Variants in USO1 observed in about 807,000 individuals in gnomAD.
The protein encoded by USO1 is general vesicular transport factor p115.
Under a neutral mutation model 124.5 loss-of-function variants are expected in USO1, and 57 were observed. The ratio of observed to expected loss-of-function variants is 0.46; its 90% CI spans 0.37 to 0.57. USO1 has a LOEUF of 0.57. USO1 is among the 20% of genes least tolerant of loss of function. The pLI, the probability that USO1 is intolerant of heterozygous loss-of-function variation, is 0.00. For missense variants in USO1, 900 were observed against 1,040.6 expected, an observed-to-expected ratio of 0.86 and a Z score of 1.86; for synonymous variants, 369 against 362.8, an observed-to-expected ratio of 1.02 and a Z score of -0.19.
intron 1 of USO1, among the ~76,000 whole-genome samples, chr4:75,725,868 C>G (rs1231943713): frequency 2.0e-5 from 3 of 152,164 alleles, no homozygotes; most frequent in Non-Finnish European, 4.4e-5. Context: ...TTGTCAGGCT[C>G]TTACCTTGTG....
chr4:75,744,026 A>G (rs1226021478), intron 1 of USO1, among the ~76,000 whole-genome samples: 1 of 152,016 alleles, frequency 6.6e-6, no homozygotes, highest in Non-Finnish European at 1.5e-5. Context: ...TCCGCCCGCC[A>G]TGGCCTCCCA....
intron 1 of USO1, among the ~76,000 whole-genome samples, chr4:75,738,592 G>C (rs554249337): frequency 2.0e-5 from 3 of 151,942 alleles, no homozygotes; most frequent in African/African-American, 7.3e-5. Flanking sequence ...ATCCTCCCAC[G>C]TCAGCCTCCT....
chr4:75,772,724 A>G (rs1721967767), intron 7 of USO1, among the ~76,000 whole-genome samples: 1 of 152,130 alleles, frequency 6.6e-6, no homozygotes, highest in Admixed American at 6.5e-5. Flanking sequence ...CATGCAAATC[A>G]TAAATTATGT....
chr4:75,810,563 T>G, intron 22 of USO1, 24 bp downstream of exon 22: 2 of 1,585,270 alleles, frequency 1.3e-6, no homozygotes, highest in Non-Finnish European at 1.7e-6. Flanking sequence ...GCAACTTTTA[T>G]TTACTGCATA....
chr4:75,728,887 C>T (rs187529241), intron 1 of USO1, among the ~76,000 whole-genome samples: 4 of 151,986 alleles, frequency 2.6e-5, no homozygotes, highest in Non-Finnish European at 4.4e-5. Flanking sequence ...CAAGCTCCCC[C>T]TCCCGGGTTC....
At chr4:75,749,600 T>G (rs962190460) in intron 1 of USO1, among the ~76,000 whole-genome samples, 1 of 151,908 alleles carries the variant, frequency 6.6e-6, no homozygotes, top group Admixed American at 6.6e-5. Flanking sequence ...GGTCTCACTA[T>G]GTTGCCCAGG....
At chr4:75,806,717 G>A (rs925022391) in intron 20 of USO1, 145 bp downstream of exon 20, 16 of 1,114,230 alleles carry the variant, frequency 1.4e-5, no homozygotes, top group Non-Finnish European at 2.0e-5. Context: ...TCCAGAAGCT[G>A]TTTCTATTTA....
Position 75,742,530 on chromosome 4 carries a change from C to T in USO1, c.67-9843C>T, listed in dbSNP as rs1720993877. Among the ~76,000 whole-genome samples, 3 of 152,278 alleles carry T rather than the reference C, an allele frequency of 2.0e-5. No individual in the cohort carries two copies. The South Asian group carries it at 6.2e-4, about 32-fold the overall frequency. ...TTTTCTATTCTGTAATCTTACCTAT[C>T]TTCACTGTATTTACATATGTGTTAT... On this transcript the variant is annotated intron_variant, in intron 1 of 23. Coordinates refer to ENST00000514213, the MANE Select transcript of USO1 (RefSeq NM_003715.4).
chr4:75,800,511 A>C, intron 15 of USO1, 42 bp downstream of exon 15: 1 of 1,474,668 alleles, frequency 6.8e-7, no homozygotes. Flanking sequence ...ATCAAGAGAT[A>C]ATGATGCTTT....
chr4:75,759,599 A>G lies in USO1; in HGVS notation c.295+2026A>G, dbSNP rs191321311. 9.4e-4 allele frequency among the ~76,000 whole-genome samples: 139 copies of G among 147,390 alleles called. 1 individual carries two copies. Among genetic ancestry groups the G allele is most frequent in the African/African-American group, 3.4e-3 (134 of 39,830 alleles). Reference sequence around the variant, plus strand: ...CCAGAGTGAGACTCTGTCTCAAAAAAAAAAAGAAAAGAAAGAAAGTAGACA... The same window carrying G: ...CCAGAGTGAGACTCTGTCTCAAAAAGAAAAAGAAAAGAAAGAAAGTAGACA... On this transcript the variant is annotated intron_variant, in intron 4 of 23. Coordinates refer to ENST00000514213, the MANE Select transcript of USO1 (RefSeq NM_003715.4).
intron 1 of USO1, 81 bp from the exon 2 acceptor site, chr4:75,752,292 A>C: frequency 1.0e-5 from 4 of 396,058 alleles, no homozygotes; most frequent in Non-Finnish European, 1.8e-5. Flanking sequence ...TTTTTTTTTT[A>C]ATTACATGGC....
At chr4:75,726,367 C>G (rs570375842) in intron 1 of USO1, among the ~76,000 whole-genome samples, 2 of 151,756 alleles carry the variant, frequency 1.3e-5, no homozygotes, top group African/African-American at 4.8e-5. Flanking sequence ...CAAGAGGTAC[C>G]TTACTTCAAA....
In USO1 at chr4:75,756,043, G is replaced by A. The variant is rs538985797; in HGVS notation, c.219-1454G>A. On this transcript the variant is annotated intron_variant, in intron 3 of 23. Transcript: ENST00000514213. ...AAATTAGCCGGGAGTGGTGGCGGGC[G>A]CCTGTAGTCCCAGCTACTCAGGAGG... is the stretch of plus-strand genomic sequence containing the variant. Among the ~76,000 whole-genome samples the A allele has an allele frequency of 2.6e-4, 39 of 151,886 alleles. 1 individual carries two copies. In the South Asian group the frequency reaches 6.9e-3, roughly 27 times the overall value.
chr4:75,796,341 C>CT lies in USO1; in HGVS notation c.1452+2452dup, dbSNP rs533041107. On this transcript the variant is annotated intron_variant, in intron 13 of 23. Transcript: ENST00000514213. The stretch of plus-strand genomic sequence containing the variant: ...TAATCCCAGAAAGTTCCATCATGCT[C>CT]TTTTTTTTTTTTGAGACGGAGTCTC... Among the ~76,000 whole-genome samples, 199 of 102,056 alleles carry CT rather than the reference C, an allele frequency of 1.9e-3. 17 individuals carry two copies. In the Middle Eastern group the frequency reaches 0.024, roughly 12 times the overall value. 67.0% of individuals were successfully genotyped at this position (102,056 alleles called of 152,430 possible).
At chr4:75,745,079 C>G (rs1031480867) in intron 1 of USO1, 9 of 333,722 alleles carry the variant, frequency 2.7e-5, no homozygotes, top group Admixed American at 1.3e-4. Flanking sequence ...CTTCTTTGAC[C>G]TTATTTTATC....
rs965577277 is a variant in USO1 at position 75,729,042 on chromosome 4, T to A, written c.66+4157T>A. Among the ~76,000 whole-genome samples the A allele has an allele frequency of 6.6e-5, 10 of 152,156 alleles. No individual in the cohort carries two copies. The East Asian group carries it at 1.7e-3, about 27-fold the overall frequency. On this transcript the variant is annotated intron_variant, in intron 1 of 23. Coordinates refer to ENST00000514213, the MANE Select transcript of USO1 (RefSeq NM_003715.4). ...CGATCTCCTGACTTCGTGATCCGCC[T>A]GCCTTGGCCTCCCAAAGTGCTGGAA...
In USO1 at chr4:75,751,463, C is replaced by T. The variant is rs886609115; in HGVS notation, c.67-910C>T. 7.0e-4 allele frequency among the ~76,000 whole-genome samples: 105 copies of T among 148,982 alleles called. 1 individual carries two copies. The highest frequency in any genetic ancestry group is 2.5e-3 in the African/African-American group (104 of 40,930). ...CTGACTTCAGGTGATCCACCCGCCT[C>T]GGCCTCCCAAAGTGCTGGGATTACA... On this transcript the variant is annotated intron_variant, in intron 1 of 23. Coordinates refer to ENST00000514213, the MANE Select transcript of USO1 (RefSeq NM_003715.4).
At chr4:75,798,898 G>A (rs1292219088) in intron 13 of USO1, among the ~76,000 whole-genome samples, 1 of 152,054 alleles carries the variant, frequency 6.6e-6, no homozygotes, top group Non-Finnish European at 1.5e-5. Context: ...TGTGAACTAA[G>A]AGAATATTCT....
At chr4:75,726,567 CAA>C (rs34164088) in intron 1 of USO1, among the ~76,000 whole-genome samples, 203 of 143,088 alleles carry the variant, frequency 1.4e-3, no homozygotes, top group African/African-American at 5.1e-3. Context: ...GACTCCATCT[CAA>C]AAAAAAAAAA....
Sources: allele counts gnomAD v4.1 joint callset (sites outside exome capture counted in the v4.1 genomes callset), GRCh38; gene constraint gnomAD v4.1.1; transcripts MANE v1.5; gene names NCBI Gene and HGNC (gene_info 2026-07-23, HGNC 2026-07-21).